Variants in BBS9 observed in about 807,000 individuals in gnomAD.
BBS9 encodes the protein Bardet-Biedl syndrome 9.
Under a neutral mutation model 117.7 loss-of-function variants are expected in BBS9, and 89 were observed. That is an observed-to-expected ratio of 0.76 (90% CI 0.64 to 0.90). The LOEUF (loss-of-function observed/expected upper bound fraction) is 0.90. Ranked by LOEUF, BBS9 falls within the 40% of genes least tolerant of loss-of-function variation. The pLI is 0.00. For missense variants in BBS9, 982 were observed against 1,042.2 expected, an observed-to-expected ratio of 0.94 and a Z score of 0.80; for synonymous variants, 379 against 370.9, an observed-to-expected ratio of 1.02 and a Z score of -0.25.
At chr7:33,226,447 AG>A (rs773139772) in intron 5 of BBS9, among the ~76,000 whole-genome samples, 76 of 152,240 alleles carry the variant, frequency 5.0e-4, no homozygotes, top group Non-Finnish European at 9.7e-4. Context: ...AATGTTATAT[AG>A]AACAAACAAA....
chr7:33,236,418 T>C (rs1471695313), intron 5 of BBS9, among the ~76,000 whole-genome samples: 2 of 151,746 alleles, frequency 1.3e-5, no homozygotes, highest in African/African-American at 2.4e-5. Context: ...TTATGACTAA[T>C]TGTGATTGCT....
chr7:33,396,886 A>G (rs1020983951), intron 19 of BBS9, among the ~76,000 whole-genome samples: 1 of 152,210 alleles, frequency 6.6e-6, no homozygotes, highest in African/African-American at 2.4e-5. Context: ...CAAACCTGAC[A>G]AAAACAATCA....
chr7:33,387,888 A>C, intron 18 of BBS9, 104 bp from the exon 19 acceptor site: 1 of 1,336,498 alleles, frequency 7.5e-7, no homozygotes, highest in Non-Finnish European at 1.1e-6. Context: ...ATGCATTTAA[A>C]TTTCTTCATT....
intron 19 of BBS9, among the ~76,000 whole-genome samples, chr7:33,398,917 A>AC (rs1308986592): frequency 6.6e-6 from 1 of 151,868 alleles, no homozygotes. Context: ...AACTCATGTG[A>AC]CCCATCCGCC....
In BBS9 at chr7:33,534,052, G is replaced by A. The variant is rs762435424; in HGVS notation, c.2397G>A (p.Leu799=). 2.5e-6 allele frequency: 4 copies of A among 1,614,186 alleles called. No homozygotes were observed. The highest frequency in any genetic ancestry group is 3.4e-6 in the Non-Finnish European group (4 of 1,180,038). Residue 799 remains leucine (L), a synonymous_variant, in exon 21 of 23, where the codon CTG becomes CTA. Transcript: ENST00000242067. ...AGGCTTTGAACCTCAACAGCCAGCT[G>A]AACATACCCAAAGACACAAGCCAAC... ...KEQALNLNSQ[L]NIPKDTSQLK...
At chr7:33,552,119 T>TGAA (rs1854525912) in intron 21 of BBS9, among the ~76,000 whole-genome samples, 1 of 152,176 alleles carries the variant, frequency 6.6e-6, no homozygotes, top group Non-Finnish European at 1.5e-5. Flanking sequence ...AATTTTCATA[T>TGAA]TATTGTTTTA....
chr7:33,310,219 A>C (rs1206188952), intron 9 of BBS9, among the ~76,000 whole-genome samples: 2 of 152,144 alleles, frequency 1.3e-5, no homozygotes, highest in African/African-American at 2.4e-5. Context: ...CTTAGGAATC[A>C]TCTTTGATTT....
At chr7:33,520,234 G>A (rs866739331) in intron 20 of BBS9, among the ~76,000 whole-genome samples, 3 of 152,024 alleles carry the variant, frequency 2.0e-5, no homozygotes, top group South Asian at 2.1e-4. Flanking sequence ...GGCTGGTCTC[G>A]AACTCCTGAC....
chr7:33,172,838 A>G (rs1456769277), intron 4 of BBS9, among the ~76,000 whole-genome samples: 1 of 152,156 alleles, frequency 6.6e-6, no homozygotes, highest in Non-Finnish European at 1.5e-5. Flanking sequence ...CAAACCAAGG[A>G]AAAAATGGTG....
intron 20 of BBS9, among the ~76,000 whole-genome samples, chr7:33,507,088 C>G (rs1055225880): frequency 6.6e-6 from 1 of 152,054 alleles, no homozygotes; most frequent in African/African-American, 2.4e-5. Context: ...AATAGTAGGA[C>G]CTACCCAGTA....
intron 21 of BBS9, among the ~76,000 whole-genome samples, chr7:33,551,563 C>A (rs1434873069): frequency 1.3e-5 from 2 of 152,070 alleles, no homozygotes; most frequent in Non-Finnish European, 2.9e-5. Context: ...ATATACCAGC[C>A]AAGACTGAGA....
intron 5 of BBS9, among the ~76,000 whole-genome samples, chr7:33,211,501 T>G (rs970362415): frequency 1.3e-5 from 2 of 152,198 alleles, no homozygotes; most frequent in African/African-American, 4.8e-5. Context: ...TTGATTGTTA[T>G]TATCCCCCTG....
At chr7:33,561,900 G>A (rs1299059847) in intron 21 of BBS9, among the ~76,000 whole-genome samples, 1 of 152,128 alleles carries the variant, frequency 6.6e-6, no homozygotes, top group Non-Finnish European at 1.5e-5. Flanking sequence ...TGTACTTTAT[G>A]TTATTGATTC....
At chr7:33,413,525 A>G (rs1421143937) in intron 19 of BBS9, among the ~76,000 whole-genome samples, 2 of 152,188 alleles carry the variant, frequency 1.3e-5, no homozygotes, top group Non-Finnish European at 1.5e-5. Flanking sequence ...CACTGTCTTC[A>G]TTAGTAAGTA....
At position 33,155,634 on chromosome 7, in the gene BBS9, T is replaced by C. The variant is rs778259630; in HGVS notation, c.264-4T>C. ...AAACTTTAAAAACTTTCTCTGTTTTTCAGAGGTACCGAAATGCTACATTTG... is the reference window on the plus strand; with the variant it reads ...AAACTTTAAAAACTTTCTCTGTTTTCCAGAGGTACCGAAATGCTACATTTG... On this transcript the variant is annotated splice_region_variant and splice_polypyrimidine_tract_variant and intron_variant, in intron 3 of 22. Transcript: ENST00000242067. The C allele has an allele frequency of 5.6e-6, 9 of 1,593,412 alleles. No homozygotes were observed. The highest frequency in any genetic ancestry group is 1.7e-5 in the Admixed American group (1 of 59,784).
chr7:33,368,372 C>G (rs1028688766), intron 17 of BBS9, among the ~76,000 whole-genome samples: 3 of 151,960 alleles, frequency 2.0e-5, no homozygotes, highest in African/African-American at 7.2e-5. Flanking sequence ...ACTATATAGT[C>G]AAGTTTGAAT....
intron 19 of BBS9, among the ~76,000 whole-genome samples, chr7:33,483,632 C>A (rs1842758951): frequency 8.4e-6 from 1 of 119,590 alleles, no homozygotes; most frequent in East Asian, 2.7e-4. Flanking sequence ...AGTTTGATCT[C>A]AACAGATTTT....
intron 19 of BBS9, among the ~76,000 whole-genome samples, chr7:33,469,865 T>C (rs1006809654): frequency 5.9e-5 from 9 of 152,164 alleles, no homozygotes; most frequent in Non-Finnish European, 1.3e-4. Flanking sequence ...CCTCATGATA[T>C]GACCTTGAAC....
chr7:33,356,122 A>G (rs1474448074), intron 15 of BBS9, among the ~76,000 whole-genome samples: 1 of 151,874 alleles, frequency 6.6e-6, no homozygotes. Context: ...AGATGGAAAC[A>G]AGTTTAAGTT....
Sources: allele counts gnomAD v4.1 joint callset (sites outside exome capture counted in the v4.1 genomes callset), GRCh38; gene constraint gnomAD v4.1.1; transcripts MANE v1.5; gene names NCBI Gene and HGNC (gene_info 2026-07-23, HGNC 2026-07-21).